The following VTI1A variants were observed in gnomAD, a reference collection of about 807,000 sequenced individuals.
The protein encoded by VTI1A is vesicle transport through interaction with t-SNAREs 1A, also known as vesicle transport through interaction with t-SNAREs homolog 1A.
VTI1A carries 22 observed loss-of-function variants against 34.9 expected under a neutral mutation model. The observed-to-expected ratio is 0.63, with a 90% CI of 0.45 to 0.90. The LOEUF (loss-of-function observed/expected upper bound fraction) is 0.90. Among genes scored for constraint, VTI1A ranks in the 40% least tolerant of loss-of-function variants. VTI1A has a pLI of 0.00. For synonymous variants in VTI1A, 87 were observed against 97.3 expected (o/e 0.89, Z 0.62); for missense variants, 268 against 275.6 (o/e 0.97, Z 0.20).
chr10:112,451,877 A>C (rs1351273799), intron 1 of VTI1A, among the ~76,000 whole-genome samples: 1 of 152,248 alleles, frequency 6.6e-6, no homozygotes, highest in Non-Finnish European at 1.5e-5. Context: ...GCTATTGAGC[A>C]CCTGAAATGT....
the VTI1A span, among the ~76,000 whole-genome samples, chr10:112,845,677 T>C: frequency 1.3e-5 from 2 of 152,062 alleles, no homozygotes; most frequent in African/African-American, 2.4e-5. Context: ...GCTGTTTCAC[T>C]CAGGACGAGC....
At chr10:112,692,268 C>T (rs1848639481) in intron 7 of VTI1A, among the ~76,000 whole-genome samples, 1 of 152,168 alleles carries the variant, frequency 6.6e-6, no homozygotes, top group Admixed American at 6.5e-5. Flanking sequence ...TCTGGGGTTC[C>T]ATCCAAACTT....
chr10:112,661,683 T>C (rs1847457547), intron 5 of VTI1A, among the ~76,000 whole-genome samples: 1 of 152,080 alleles, frequency 6.6e-6, no homozygotes, highest in Non-Finnish European at 1.5e-5. Flanking sequence ...TTCCATTGTG[T>C]GTTTGTATTG....
At chr10:112,851,265 C>A in the VTI1A span, among the ~76,000 whole-genome samples, 3 of 152,082 alleles carry the variant, frequency 2.0e-5, no homozygotes. Flanking sequence ...TTTTCTGGGT[C>A]GCCTGTGATA....
At chr10:112,452,229 G>A (rs566347114) in intron 1 of VTI1A, among the ~76,000 whole-genome samples, 1 of 152,274 alleles carries the variant, frequency 6.6e-6, no homozygotes, top group African/African-American at 2.4e-5. Flanking sequence ...ATACAGGGAA[G>A]ATAGTCTTTA....
At chr10:112,469,520 G>C (rs1419222884) in intron 3 of VTI1A, among the ~76,000 whole-genome samples, 1 of 152,184 alleles carries the variant, frequency 6.6e-6, no homozygotes, top group Non-Finnish European at 1.5e-5. Flanking sequence ...CAGACAGTTA[G>C]ATAATTTACT....
intron 3 of VTI1A, among the ~76,000 whole-genome samples, chr10:112,480,528 G>A (rs1171708305): frequency 9.9e-5 from 15 of 152,276 alleles, no homozygotes; most frequent in Non-Finnish European, 4.4e-5. Context: ...GTGTGTGCAT[G>A]TGCATGTGCA....
chr10:112,708,170 G>A (rs1849267789), intron 7 of VTI1A, among the ~76,000 whole-genome samples: 1 of 152,226 alleles, frequency 6.6e-6, no homozygotes, highest in Non-Finnish European at 1.5e-5. Context: ...AGCCAGGTGT[G>A]TAAAGTATGT....
chr10:112,731,193 A>C (rs1039395739), intron 7 of VTI1A, among the ~76,000 whole-genome samples: 1 of 152,170 alleles, frequency 6.6e-6, no homozygotes, highest in Non-Finnish European at 1.5e-5. Flanking sequence ...GATAACATGA[A>C]GTTAGCTACA....
chr10:112,755,460 G>A (rs75514019), intron 7 of VTI1A, among the ~76,000 whole-genome samples: 16,618 of 152,146 alleles, frequency 0.11, 1,182 homozygotes, highest in East Asian at 0.28. Context: ...AAGAATAGTG[G>A]AGAAGTAGGA....
At chr10:112,847,112 G>C in the VTI1A span, among the ~76,000 whole-genome samples, 1 of 152,208 alleles carries the variant, frequency 6.6e-6, no homozygotes, top group Non-Finnish European at 1.5e-5. Context: ...GCTGTCACCA[G>C]GATCCAAAGA....
chr10:112,714,633 T>G (rs990478800), intron 7 of VTI1A, among the ~76,000 whole-genome samples: 2 of 152,184 alleles, frequency 1.3e-5, no homozygotes, highest in Non-Finnish European at 2.9e-5. Flanking sequence ...ACTGATATGG[T>G]TGTTTGGGAT....
chr10:112,669,008 A>T lies in VTI1A; in HGVS notation c.560+10A>T. The T allele has an allele frequency of 6.2e-7, 1 of 1,611,750 alleles. No individual in the cohort carries two copies. The highest frequency in any genetic ancestry group is 1.3e-5 in the African/African-American group (1 of 74,940). On this transcript the variant is annotated intron_variant, in intron 7 of 7. Transcript: ENST00000393077. Reference sequence around the variant, plus strand: ...CAGGGATGTTGCGAAGGTAAGAGCAAGGTAGGGACATATCTTTCTCTCTGT... The same window carrying T: ...CAGGGATGTTGCGAAGGTAAGAGCATGGTAGGGACATATCTTTCTCTCTGT...
chr10:112,756,152 G>T (rs1481861440), intron 7 of VTI1A, among the ~76,000 whole-genome samples: 1 of 152,146 alleles, frequency 6.6e-6, no homozygotes, highest in Non-Finnish European at 1.5e-5. Context: ...GGAGAAAGGG[G>T]TAAAAGTTAT....
At chr10:112,837,800 G>A in the VTI1A span, among the ~76,000 whole-genome samples, 16 of 152,190 alleles carry the variant, frequency 1.1e-4, no homozygotes, top group Non-Finnish European at 2.4e-4. Flanking sequence ...GTCTGGGGAT[G>A]TCTTTGAAGT....
chr10:112,812,945 A>G (rs1179478499), intron 7 of VTI1A, among the ~76,000 whole-genome samples: 1 of 152,204 alleles, frequency 6.6e-6, no homozygotes, highest in African/African-American at 2.4e-5. Flanking sequence ...AATTAATTGC[A>G]CAGACTTCTC....
Position 112,538,310 on chromosome 10 carries a change from ACCAAATAGCAGT to A in VTI1A, c.408_419del (p.Tyr136_Val140delinsTer). 6.2e-7 allele frequency: 1 copy of A among 1,613,726 alleles called. No homozygotes were observed. Among genetic ancestry groups the A allele is most frequent in the Non-Finnish European group, 8.5e-7 (1 of 1,179,786 alleles). On this transcript the variant is annotated stop_gained and inframe_deletion, in exon 5 of 8. Transcript: ENST00000393077. LOFTEE classifies it high-confidence loss of function. ...TCATCTCGGAGACTAGAGGCTGGAT[ACCAAATAGCAGT>A]GGAAACCGGTAAGAATTCTGAGAGT...
At chr10:112,627,148 A>T (rs572106698) in intron 5 of VTI1A, among the ~76,000 whole-genome samples, 8 of 152,324 alleles carry the variant, frequency 5.3e-5, no homozygotes, top group African/African-American at 1.9e-4. Context: ...GATGATTTTT[A>T]AAAAATAAAA....
chr10:112,564,029 T>A, intron 5 of VTI1A, among the ~76,000 whole-genome samples: 1 of 152,104 alleles, frequency 6.6e-6, no homozygotes. Flanking sequence ...CTAAGGTGAT[T>A]AAAATATCTA....
Sources: gnomAD v4.1 joint callset for allele counts (sites outside exome capture counted in the v4.1 genomes callset) on GRCh38, gnomAD v4.1.1 for gene constraint, MANE v1.5 for transcripts, NCBI Gene and HGNC (gene_info 2026-07-23, HGNC 2026-07-21) for gene names.